Variants in SCML4 observed in about 807,000 individuals in gnomAD.
SCML4 encodes Scm polycomb group protein like 4.
Under a neutral mutation model 41.1 loss-of-function variants are expected in SCML4, and 34 were observed. The observed-to-expected ratio is 0.83, with a 90% CI of 0.63 to 1.10. The LOEUF is 1.10. SCML4 is among the 50% of genes least tolerant of loss of function. SCML4 has a pLI of 0.00. For synonymous variants in SCML4, 214 were observed against 220.9 expected, an observed-to-expected ratio of 0.97 and a Z score of 0.28; for missense variants, 522 against 534.1, an observed-to-expected ratio of 0.98 and a Z score of 0.22.
chr6:107,751,633 TCTTTCTTTCTTTC>T (rs1778678596), intron 2 of SCML4, among the ~76,000 whole-genome samples: 1 of 146,118 alleles, frequency 6.8e-6, no homozygotes, highest in Non-Finnish European at 1.5e-5. Context: ...TTTCTTTCTT[TCTTTCTTTCTTTC>T]TTTTTTGAGA....
chr6:107,720,740 G>A lies in SCML4; in HGVS notation c.936C>T (p.Pro312=), dbSNP rs1247836432. ...APGLRPPASS[P]KRNTTSLEGN... is the part of the protein sequence containing the mutation. ...CTTCAAGAGAGGTCGTGTTTCTCTT[G>A]GGGCTGGAGGCTGGAGGCCTCAGCC... The change falls in exon 6 of 8, where the codon CCC becomes CCT. Residue 312 remains proline (P), a synonymous_variant. Coordinates refer to ENST00000369020, the MANE Select transcript of SCML4 (RefSeq NM_198081.5). 6.3e-7 allele frequency: 1 copy of A among 1,584,680 alleles called. No individual in the cohort carries two copies. Among genetic ancestry groups the A allele is most frequent in the Admixed American group, 1.9e-5 (1 of 52,252 alleles).
chr6:107,763,731 C>T (rs888233299), intron 2 of SCML4, among the ~76,000 whole-genome samples: 25 of 152,298 alleles, frequency 1.6e-4, no homozygotes, highest in African/African-American at 6.0e-4. Flanking sequence ...CCAGAGCTTG[C>T]TCGCTGTCTC....
At chr6:107,751,113 C>T (rs939808417) in intron 2 of SCML4, among the ~76,000 whole-genome samples, 4 of 152,126 alleles carry the variant, frequency 2.6e-5, no homozygotes, top group Non-Finnish European at 2.9e-5. Context: ...AATCTTTGGC[C>T]TCATGGAACT....
At chr6:107,713,252 A>T (rs1400368860) in intron 6 of SCML4, among the ~76,000 whole-genome samples, 1 of 152,186 alleles carries the variant, frequency 6.6e-6, no homozygotes, top group African/African-American at 2.4e-5. Flanking sequence ...TTTAGCTAAC[A>T]ACAGAGTCAT....
At chr6:107,784,934 C>T (rs1226507587) in intron 1 of SCML4, among the ~76,000 whole-genome samples, 1 of 152,180 alleles carries the variant, frequency 6.6e-6, no homozygotes, top group Non-Finnish European at 1.5e-5. Flanking sequence ...GCACATGAGG[C>T]ATAGTACCAG....
chr6:107,839,541 C>T, the SCML4 span, among the ~76,000 whole-genome samples: 1 of 152,152 alleles, frequency 6.6e-6, no homozygotes, highest in Non-Finnish European at 1.5e-5. Context: ...AACAGAACAA[C>T]TATTTCTGAT....
At chr6:107,755,651 G>A (rs770162724) in intron 2 of SCML4, 1 of 1,268,788 alleles carries the variant, frequency 7.9e-7, no homozygotes, top group Non-Finnish European at 1.0e-6. Context: ...TGTCTTTGTT[G>A]TTGCCTTAGG....
intron 1 of SCML4, among the ~76,000 whole-genome samples, chr6:107,806,826 CA>C (rs1562278332): frequency 6.6e-6 from 1 of 152,238 alleles, no homozygotes; most frequent in Non-Finnish European, 1.5e-5. Flanking sequence ...GGGCAGCTGC[CA>C]TCTGTTTCTC....
At chr6:107,758,373 G>A (rs1779277518) in intron 2 of SCML4, among the ~76,000 whole-genome samples, 1 of 152,236 alleles carries the variant, frequency 6.6e-6, no homozygotes, top group Non-Finnish European at 1.5e-5. Context: ...GCAAGAGTCA[G>A]AATGGTGCAA....
rs1345858665 is a variant in SCML4 at position 107,723,701 on chromosome 6, G to A, written c.683-2708C>T. Among the ~76,000 whole-genome samples the A allele has an allele frequency of 5.9e-5, 9 of 152,184 alleles. No individual in the cohort carries two copies. In the East Asian group the frequency reaches 1.2e-3, roughly 20 times the overall value. On this transcript the variant is annotated intron_variant, in intron 5 of 7. Coordinates refer to ENST00000369020, the MANE Select transcript of SCML4 (RefSeq NM_198081.5). ...AAAGCCCAAGCCTGAATAACTTCACGGTTGAATTCTACCAAACATTTAAAG... is the reference window on the plus strand; with the variant it reads ...AAAGCCCAAGCCTGAATAACTTCACAGTTGAATTCTACCAAACATTTAAAG...
chr6:107,803,380 G>A (rs1259003287), intron 1 of SCML4, among the ~76,000 whole-genome samples: 1 of 149,718 alleles, frequency 6.7e-6, no homozygotes, highest in Non-Finnish European at 1.5e-5. Flanking sequence ...GAGGGAGGTG[G>A]GGGTCAGCCC....
chr6:107,817,629 A>AAC (rs1784644930), intron 1 of SCML4, among the ~76,000 whole-genome samples: 1 of 142,818 alleles, frequency 7.0e-6, no homozygotes, highest in African/African-American at 2.7e-5. Flanking sequence ...TCAAAAAAAA[A>AAC]AAAAAAGAAA....
Position 107,818,248 on chromosome 6 carries a change from G to A in SCML4, c.-60+5878C>T, listed in dbSNP as rs1464752714. Among the ~76,000 whole-genome samples the A allele has an allele frequency of 5.3e-5, 8 of 152,164 alleles. 1 individual carries two copies. In the South Asian group the frequency reaches 1.0e-3, roughly 20 times the overall value. On this transcript the variant is annotated intron_variant, in intron 1 of 7. Coordinates refer to ENST00000369020, the MANE Select transcript of SCML4 (RefSeq NM_198081.5). ...AAATTCCCAATAAAAGGGGCAGTGCGCAGATGGCTGCTGGGTTGACTCCTA... is the reference window on the plus strand; with the variant it reads ...AAATTCCCAATAAAAGGGGCAGTGCACAGATGGCTGCTGGGTTGACTCCTA...
At chr6:107,818,931 G>C (rs1784749518) in intron 1 of SCML4, among the ~76,000 whole-genome samples, 1 of 152,200 alleles carries the variant, frequency 6.6e-6, no homozygotes, top group African/African-American at 2.4e-5. Flanking sequence ...ATACTCCTTA[G>C]TGTTCAACCC....
At chr6:107,812,302 A>T (rs895100217) in intron 1 of SCML4, among the ~76,000 whole-genome samples, 3 of 152,204 alleles carry the variant, frequency 2.0e-5, no homozygotes, top group Non-Finnish European at 2.9e-5. Flanking sequence ...CCCACAGATG[A>T]ACTGAACAAT....
At chr6:107,725,134 T>G (rs1256815791) in intron 5 of SCML4, among the ~76,000 whole-genome samples, 1 of 152,182 alleles carries the variant, frequency 6.6e-6, no homozygotes, top group Non-Finnish European at 1.5e-5. Context: ...AGAAATCACT[T>G]GAGTGACTAT....
At chr6:107,836,103 CCT>C in the SCML4 span, among the ~76,000 whole-genome samples, 2 of 151,978 alleles carry the variant, frequency 1.3e-5, no homozygotes, top group African/African-American at 2.4e-5. Context: ...AATTTTTGCT[CCT>C]GTTTTTTTTT....
upstream of SCML4, among the ~76,000 whole-genome samples, chr6:107,825,952 A>AG (rs1475459642): frequency 4.7e-4 from 66 of 141,652 alleles, no homozygotes; most frequent in Non-Finnish European, 7.9e-4. Flanking sequence ...AAAAAAAAAA[A>AG]AAAAGAAAAT....
chr6:107,806,192 C>CA lies in SCML4; in HGVS notation c.-60+17933_-60+17934insT, dbSNP rs893832325. On this transcript the variant is annotated intron_variant, in intron 1 of 7. Coordinates refer to ENST00000369020, the MANE Select transcript of SCML4 (RefSeq NM_198081.5). ...GACAATCAAAACAGAGATTTCCCCC[C>CA]CCCCAATAAACAATGAGCAAGGGCT... is the stretch of plus-strand genomic sequence containing the variant. Among the ~76,000 whole-genome samples the CA allele has an allele frequency of 2.9e-4, 7 of 23,972 alleles. No individual in the cohort carries two copies. The Non-Finnish European group carries it at 5.3e-3, about 18-fold the overall frequency. 15.7% of individuals were successfully genotyped at this position (23,972 alleles called of 152,430 possible).
Sources: gnomAD v4.1 joint callset for allele counts (sites outside exome capture counted in the v4.1 genomes callset) on GRCh38, gnomAD v4.1.1 for gene constraint, MANE v1.5 for transcripts, NCBI Gene and HGNC (gene_info 2026-07-23, HGNC 2026-07-21) for gene names.